The following TAFA5 variants were observed in gnomAD, a reference collection of about 807,000 sequenced individuals.
The protein encoded by TAFA5 is chemokine-like protein TAFA-5.
A neutral mutation model predicts 15.3 loss-of-function variants in TAFA5; 6 were observed. The observed-to-expected ratio is 0.39, with a 90% confidence interval of 0.21 to 0.77. TAFA5 has a LOEUF of 0.77. TAFA5 is among the 30% of genes least tolerant of loss of function. The probability of loss-of-function intolerance (pLI) is 0.41; values close to 1 mark genes in which losing one functional copy is unlikely to be tolerated. For synonymous variants in TAFA5, 103 were observed against 80.7 expected, an observed-to-expected ratio of 1.28 and a Z score of -1.48; for missense variants, 161 against 193.1, an observed-to-expected ratio of 0.83 and a Z score of 0.98.
intron 1 of TAFA5, among the ~76,000 whole-genome samples, chr22:48,526,891 A>C (rs892525264): frequency 7.2e-5 from 11 of 152,240 alleles, no homozygotes; most frequent in African/African-American, 2.4e-4. Context: ...AAGAATTAAC[A>C]ATGACATCAA....
rs2147127321 is a variant in TAFA5 at position 48,552,697 on chromosome 22, T to C, written c.112+62993T>C. On this transcript the variant is annotated intron_variant, in intron 1 of 3. Coordinates refer to ENST00000402357, the MANE Select transcript of TAFA5 (RefSeq NM_001082967.3). This position sits in a 1 kb window ranked among gnomAD's most constrained non-coding sequence, Gnocchi z 4.1. ...CAGCTTACTTGATTCATTGATTTTG[T>C]CAAGGGTCCGTTTATCATACTGACA... 6.6e-6 allele frequency among the ~76,000 whole-genome samples: 1 copy of C among 152,256 alleles called. No individual in the cohort carries two copies. Among genetic ancestry groups the C allele is most frequent in the East Asian group, 1.9e-4 (1 of 5,172 alleles).
intron 1 of TAFA5, among the ~76,000 whole-genome samples, chr22:48,569,648 T>C (rs1232465619): frequency 1.3e-5 from 2 of 152,154 alleles, no homozygotes; most frequent in African/African-American, 4.8e-5. Context: ...TCTGCTGTCG[T>C]TGCATTGCTG....
chr22:48,626,148 A>G (rs930678581), intron 1 of TAFA5, among the ~76,000 whole-genome samples: 2 of 152,226 alleles, frequency 1.3e-5, no homozygotes, highest in Admixed American at 1.3e-4. Flanking sequence ...TAAGGCAGCT[A>G]TAAACATTCA....
intron 2 of TAFA5, among the ~76,000 whole-genome samples, chr22:48,695,248 C>T (rs1345389085): frequency 1.3e-5 from 2 of 152,094 alleles, no homozygotes; most frequent in African/African-American, 2.4e-5. Flanking sequence ...TTGAATCCTC[C>T]ATCACCAGCC....
At chr22:48,581,473 G>C (rs1924037777) in intron 1 of TAFA5, among the ~76,000 whole-genome samples, 1 of 152,242 alleles carries the variant, frequency 6.6e-6, no homozygotes, top group Non-Finnish European at 1.5e-5. Context: ...TGCGGAGAAT[G>C]GTTTTATTCC....
intron 1 of TAFA5, among the ~76,000 whole-genome samples, chr22:48,630,479 C>T (rs1034718113): frequency 1.3e-5 from 2 of 152,114 alleles, no homozygotes; most frequent in South Asian, 2.1e-4. Context: ...TCGTCAGCGG[C>T]GTGTGATGAC....
intron 1 of TAFA5, among the ~76,000 whole-genome samples, chr22:48,568,086 G>A (rs766014895): frequency 3.3e-5 from 5 of 152,220 alleles, no homozygotes; most frequent in African/African-American, 4.8e-5. Context: ...AAATAAATGC[G>A]AGTAAAACAG....
rs889316665 is a variant in TAFA5, at chr22:48,490,021, G to T, written c.112+317G>T. On this transcript the variant is annotated intron_variant, in intron 1 of 3. Coordinates refer to ENST00000402357, the MANE Select transcript of TAFA5 (RefSeq NM_001082967.3). This position sits in a 1 kb window ranked among gnomAD's most constrained non-coding sequence, Gnocchi z 5.8. ...CCCGGCGGTCGGAGCCCAGCCAGCG[G>T]CTTCCCGGCCGAGATGCGCGCTCAG... is the stretch of plus-strand genomic sequence containing the variant. 6.6e-5 allele frequency among the ~76,000 whole-genome samples: 10 copies of T among 152,060 alleles called. No individual in the cohort carries two copies. In the South Asian group the frequency reaches 8.3e-4, roughly 13 times the overall value.
chr22:48,545,094 G>A (rs1354372258), intron 1 of TAFA5: 2 of 354,730 alleles, frequency 5.6e-6, no homozygotes, highest in Non-Finnish European at 1.1e-5. Flanking sequence ...ATGGATTCCC[G>A]GATCATGAGG....
At chr22:48,571,199 C>T (rs1201603968) in intron 1 of TAFA5, among the ~76,000 whole-genome samples, 1 of 151,834 alleles carries the variant, frequency 6.6e-6, no homozygotes, top group East Asian at 1.9e-4. Context: ...TTTGAGAAGC[C>T]AGTGTTTCTA....
chr22:48,637,867 G>A (rs1469362237), intron 1 of TAFA5, among the ~76,000 whole-genome samples: 1 of 151,876 alleles, frequency 6.6e-6, no homozygotes, highest in Non-Finnish European at 1.5e-5. Flanking sequence ...TTCTCCTTCC[G>A]GTTTATGAAT....
chr22:48,636,983 G>A (rs1331455024), intron 1 of TAFA5, among the ~76,000 whole-genome samples: 1 of 152,234 alleles, frequency 6.6e-6, no homozygotes, highest in African/African-American at 2.4e-5. Flanking sequence ...ATGGGCAGTA[G>A]GGGCCCAAGT....
chr22:48,691,053 C>T (rs1028514732), intron 2 of TAFA5, among the ~76,000 whole-genome samples: 29 of 152,188 alleles, frequency 1.9e-4, no homozygotes, highest in African/African-American at 5.5e-4. Flanking sequence ...CAAGGAGACC[C>T]GCCGTAAAGC....
chr22:48,673,123 A>C (rs9617419), intron 2 of TAFA5, among the ~76,000 whole-genome samples: 50,606 of 152,032 alleles, frequency 0.33, 9,168 homozygotes, highest in Non-Finnish European at 0.42. Context: ...TCTAGAAGAT[A>C]TCGGTCTCGT....
At chr22:48,681,338 A>G (rs529207276) in intron 2 of TAFA5, among the ~76,000 whole-genome samples, 2 of 152,254 alleles carry the variant, frequency 1.3e-5, no homozygotes, top group East Asian at 1.9e-4. Context: ...CCTCATTTCA[A>G]ATTGTTTAAA....
At chr22:48,513,730 C>T (rs1475255365) in intron 1 of TAFA5, among the ~76,000 whole-genome samples, 2 of 152,238 alleles carry the variant, frequency 1.3e-5, no homozygotes, top group East Asian at 3.9e-4. Context: ...CCTTGCTCTG[C>T]TCCATGGGGG....
At chr22:48,589,772 T>C (rs1924493792) in intron 1 of TAFA5, among the ~76,000 whole-genome samples, 1 of 152,046 alleles carries the variant, frequency 6.6e-6, no homozygotes, top group Non-Finnish European at 1.5e-5. Context: ...CCCGCAGCCA[T>C]CAGGAGCTGG....
intron 1 of TAFA5, among the ~76,000 whole-genome samples, chr22:48,557,797 G>A (rs1381227390): frequency 6.6e-6 from 1 of 152,198 alleles, no homozygotes; most frequent in Non-Finnish European, 1.5e-5. Context: ...GAGGGCTCTG[G>A]CCATGCCTAG....
At chr22:48,730,151 G>A (rs1016238728) in intron 3 of TAFA5, among the ~76,000 whole-genome samples, 15 of 152,300 alleles carry the variant, frequency 9.8e-5, no homozygotes, top group East Asian at 3.9e-4. Flanking sequence ...TTGGGAGGCC[G>A]AGGTGGGCGA....
Sources: allele counts gnomAD v4.1 joint callset (sites outside exome capture counted in the v4.1 genomes callset), GRCh38; gene constraint gnomAD v4.1.1; non-coding constraint Gnocchi (gnomAD v3.1); transcripts MANE v1.5; gene names NCBI Gene and HGNC (gene_info 2026-07-23, HGNC 2026-07-21).